Variants in PKIA observed in about 807,000 individuals in gnomAD.
The protein encoded by PKIA is PKI-alpha.
A neutral mutation model predicts 7.6 loss-of-function variants in PKIA; 4 were observed. The ratio of observed to expected loss-of-function variants is 0.52; its 90% CI spans 0.26 to 1.20. PKIA has a LOEUF of 1.20. PKIA is among the 50% of genes most tolerant of loss of function. PKIA has a pLI of 0.13. For missense variants in PKIA, 73 were observed against 86.2 expected (o/e 0.85, Z 0.61); for synonymous variants, 21 against 30.7 (o/e 0.68, Z 1.04).
At chr8:78,549,919 T>C (rs1563575615) in intron 1 of PKIA, among the ~76,000 whole-genome samples, 1 of 152,084 alleles carries the variant, frequency 6.6e-6, no homozygotes, top group Non-Finnish European at 1.5e-5. Context: ...TTAGAGCCAT[T>C]GTAAATAGTT....
chr8:78,578,233 T>C lies in PKIA; in HGVS notation c.-28+5294T>C, dbSNP rs562684225. ...AAACTTTATTCTGATTCTAAAATTG[T>C]TATGATCGTTTATGAAATTCTGTTT... On this transcript the variant is annotated intron_variant, in intron 2 of 3. Coordinates refer to ENST00000396418, the MANE Select transcript of PKIA (RefSeq NM_006823.4). 9.2e-5 allele frequency among the ~76,000 whole-genome samples: 14 copies of C among 152,170 alleles called. No homozygotes were observed. In the South Asian group the frequency reaches 2.9e-3, roughly 32 times the overall value.
chr8:78,529,375 A>G (rs1243299738), intron 1 of PKIA, among the ~76,000 whole-genome samples: 1 of 152,076 alleles, frequency 6.6e-6, no homozygotes, highest in Non-Finnish European at 1.5e-5. Flanking sequence ...ATTCTATAGT[A>G]TTTAATCAGA....
intron 2 of PKIA, among the ~76,000 whole-genome samples, chr8:78,580,295 C>T (rs1266939999): frequency 6.6e-6 from 1 of 151,990 alleles, no homozygotes; most frequent in Non-Finnish European, 1.5e-5. Flanking sequence ...TTAGCTGATA[C>T]TGCATATTGT....
chr8:78,566,931 A>C (rs755135281), intron 1 of PKIA, among the ~76,000 whole-genome samples: 2 of 152,104 alleles, frequency 1.3e-5, no homozygotes, highest in African/African-American at 2.4e-5. Context: ...ACCAGGAATT[A>C]TTGCTTATTG....
In PKIA at chr8:78,602,694, A is replaced by ATATATATATATATATATATATATAT. The variant is rs1563597433; in HGVS notation, c.*873_*874insTATATATATATATATATATATATAT. The ATATATATATATATATATATATATAT allele has an allele frequency of 1.5e-5, 2 of 136,982 alleles. No individual in the cohort carries two copies. Among genetic ancestry groups the ATATATATATATATATATATATATAT allele is most frequent in the South Asian group, 4.4e-4 (2 of 4,502 alleles). 8.5% of individuals were successfully genotyped at this position (136,982 alleles called of 1,614,324 possible). A position where few individuals can be genotyped will look rare whatever the true frequency, so the allele number is the denominator to read the frequency against. Reference sequence around the variant, plus strand: ...CTCAAGTGGAGAACTTCTCCCACATAATATATATATATATATATATTTTAA... The same window carrying ATATATATATATATATATATATATAT: ...CTCAAGTGGAGAACTTCTCCCACATATATATATATATATATATATATATATATATATATATATATATATATTTTAA... On this transcript the variant is annotated 3_prime_UTR_variant, in exon 4 of 4. Coordinates refer to ENST00000396418, the MANE Select transcript of PKIA (RefSeq NM_006823.4).
intron 2 of PKIA, among the ~76,000 whole-genome samples, chr8:78,576,462 A>C (rs1563586272): frequency 1.3e-5 from 2 of 152,184 alleles, no homozygotes; most frequent in East Asian, 3.9e-4. Flanking sequence ...ATAAATGTAA[A>C]AAGTTTTTAA....
intron 1 of PKIA, among the ~76,000 whole-genome samples, chr8:78,525,501 G>A (rs541622529): frequency 6.6e-6 from 1 of 152,116 alleles, no homozygotes; most frequent in South Asian, 2.1e-4. Context: ...ATAAGAGGAT[G>A]AATGTTGGCA....
intron 1 of PKIA, among the ~76,000 whole-genome samples, chr8:78,536,273 A>T (rs142137119): frequency 1.0e-3 from 159 of 152,232 alleles, no homozygotes; most frequent in African/African-American, 3.5e-3. Context: ...CTTACCCAAC[A>T]TTAGTTATAA....
chr8:78,552,793 C>G (rs76878425), intron 1 of PKIA, among the ~76,000 whole-genome samples: 5,518 of 151,948 alleles, frequency 0.036, 152 homozygotes, highest in South Asian at 0.07. Context: ...AATAATGATA[C>G]TTTTAGTCTT....
At chr8:78,538,290 A>G (rs1388322955) in intron 1 of PKIA, among the ~76,000 whole-genome samples, 1 of 151,992 alleles carries the variant, frequency 6.6e-6, no homozygotes, top group Non-Finnish European at 1.5e-5. Context: ...ATGAACAACA[A>G]CCCACCTTAT....
intron 2 of PKIA, among the ~76,000 whole-genome samples, chr8:78,584,052 A>ATATAATT (rs1807887721): frequency 2.6e-5 from 4 of 152,072 alleles, no homozygotes; most frequent in African/African-American, 9.7e-5. Flanking sequence ...TATGTAAAAC[A>ATATAATT]GCTTATTTTT....
intron 1 of PKIA, among the ~76,000 whole-genome samples, chr8:78,536,909 C>CACACACACA: frequency 7.2e-6 from 1 of 138,836 alleles, no homozygotes; most frequent in East Asian, 2.2e-4. Context: ...CACACACACA[C>CACACACACA]TACATTTTAA....
chr8:78,569,467 G>C (rs1807497544), intron 1 of PKIA, among the ~76,000 whole-genome samples: 1 of 152,102 alleles, frequency 6.6e-6, no homozygotes. Flanking sequence ...GCAAGGCCCA[G>C]TGGAACCTGT....
chr8:78,525,185 A>C (rs1319508488), intron 1 of PKIA, among the ~76,000 whole-genome samples: 4 of 151,796 alleles, frequency 2.6e-5, no homozygotes, highest in African/African-American at 9.7e-5. Flanking sequence ...GCAGGAAAAC[A>C]TGACATTCCC....
At chr8:78,537,536 T>C (rs1475950796) in intron 1 of PKIA, among the ~76,000 whole-genome samples, 1 of 152,040 alleles carries the variant, frequency 6.6e-6, no homozygotes, top group Non-Finnish European at 1.5e-5. Flanking sequence ...TTTGTTTCTA[T>C]GCGATAACCG....
At position 78,544,989 on chromosome 8, in the gene PKIA, A is replaced by G. The variant is rs1055974383; in HGVS notation, c.-156-27822A>G. ...TATATGTCATATATTCTTTATTATT[A>G]AAGAATCTCCCAAACGGTAATATAT... is the stretch of plus-strand genomic sequence containing the variant. On this transcript the variant is annotated intron_variant, in intron 1 of 3. Coordinates refer to ENST00000396418, the MANE Select transcript of PKIA (RefSeq NM_006823.4). Among the ~76,000 whole-genome samples, 8 of 152,268 alleles carry G rather than the reference A, an allele frequency of 5.3e-5. 2 individuals are homozygous for G. Among genetic ancestry groups the G allele is most frequent in the Admixed American group, 3.9e-4 (6 of 15,282 alleles).
chr8:78,519,799 TC>T (rs1809382397), intron 1 of PKIA, among the ~76,000 whole-genome samples: 1 of 152,294 alleles, frequency 6.6e-6, no homozygotes, highest in Non-Finnish European at 1.5e-5. Flanking sequence ...GGATCTTCTT[TC>T]CAATTTGTAC....
At chr8:78,524,153 TATATAA>T (rs1809492056) in intron 1 of PKIA, among the ~76,000 whole-genome samples, 1 of 139,522 alleles carries the variant, frequency 7.2e-6, no homozygotes, top group Admixed American at 7.5e-5. Flanking sequence ...TTTATATTTA[TATATAA>T]ATATATGTAT....
Position 78,603,307 on chromosome 8 carries a change from A to T in PKIA, c.*1486A>T, listed in dbSNP as rs911590127. ...CACTTAGCTGTCCTTGAGGGCTTAG[A>T]TACCTTGCCACGTGAAGTAGGTAGA... On this transcript the variant is annotated 3_prime_UTR_variant, in exon 4 of 4. Coordinates refer to ENST00000396418, the MANE Select transcript of PKIA (RefSeq NM_006823.4). 1.3e-5 allele frequency: 2 copies of T among 152,310 alleles called. No homozygotes were observed. Among genetic ancestry groups the T allele is most frequent in the African/African-American group, 4.8e-5 (2 of 41,388 alleles). 9.4% of individuals were successfully genotyped at this position (152,310 alleles called of 1,614,324 possible).
Sources: allele counts gnomAD v4.1 joint callset (sites outside exome capture counted in the v4.1 genomes callset), GRCh38; gene constraint gnomAD v4.1.1; transcripts MANE v1.5; gene names NCBI Gene and HGNC (gene_info 2026-07-23, HGNC 2026-07-21).